RCL1: variants seen among roughly 807,000 people sequenced by gnomAD.
RCL1 encodes the protein RNA terminal phosphate cyclase like 1, also known as RNA 3'-terminal phosphate cyclase-like protein.
RCL1 carries 24 observed loss-of-function variants against 42.4 expected under a neutral mutation model. The observed-to-expected ratio is 0.57, with a 90% CI of 0.41 to 0.80. The LOEUF (loss-of-function observed/expected upper bound fraction) is 0.80. Among genes scored for constraint, RCL1 ranks in the 30% least tolerant of loss-of-function variants. The pLI, the probability that RCL1 is intolerant of heterozygous loss-of-function variation, is 0.00. For synonymous variants in RCL1, 228 were observed against 177.3 expected (o/e 1.29, Z -2.27); for missense variants, 578 against 467.9 (o/e 1.24, Z -2.17).
chr9:4,847,284 G>C (rs1382692373), intron 7 of RCL1, among the ~76,000 whole-genome samples: 1 of 152,016 alleles, frequency 6.6e-6, no homozygotes, highest in African/African-American at 2.4e-5. Context: ...TTATGTCTAT[G>C]ATCTTTAATT....
chr9:4,834,471 C>CTTTTTTTTTTTTTTTTTTTTTTTT, intron 5 of RCL1, among the ~76,000 whole-genome samples: 1 of 128,432 alleles, frequency 7.8e-6, no homozygotes, highest in Non-Finnish European at 1.6e-5. Context: ...TTGAGTCATT[C>CTTTTTTTTTTTTTTTTTTTTTTTT]TTTTTTTTTT....
At chr9:4,812,462 C>G (rs1021398420) in intron 1 of RCL1, among the ~76,000 whole-genome samples, 1 of 152,060 alleles carries the variant, frequency 6.6e-6, no homozygotes, top group Non-Finnish European at 1.5e-5. Context: ...CGAGGTTTCA[C>G]TATATTGTGC....
intron 3 of RCL1, among the ~76,000 whole-genome samples, chr9:4,832,405 T>C (rs1563845531): frequency 6.6e-6 from 1 of 152,202 alleles, no homozygotes; most frequent in Non-Finnish European, 1.5e-5. Flanking sequence ...ATAGTTAATT[T>C]GGTTTGCTTT....
In RCL1 at chr9:4,827,047, A is replaced by G. The variant is rs1470042172; in HGVS notation, c.384+14A>G. 2 of 1,614,180 alleles carry G rather than the reference A, an allele frequency of 1.2e-6. No individual in the cohort carries two copies. The highest frequency in any genetic ancestry group is 1.7e-6 in the Non-Finnish European group (2 of 1,180,014). ...GTTGACCCTTCAGTGAGTATTGAGA[A>G]CAAACCGTGGTGTGGTTTTTGTTTT... On this transcript the variant is annotated intron_variant, in intron 3 of 8. Transcript: ENST00000381750.
At chr9:4,810,896 TTTCA>T (rs1249993927) in intron 1 of RCL1, among the ~76,000 whole-genome samples, 1 of 152,192 alleles carries the variant, frequency 6.6e-6, no homozygotes, top group Non-Finnish European at 1.5e-5. Context: ...TTTCTTTTGC[TTTCA>T]TTGTTTTTAA....
chr9:4,820,845 A>G (rs563965411), intron 1 of RCL1, among the ~76,000 whole-genome samples: 48 of 152,320 alleles, frequency 3.2e-4, no homozygotes, highest in African/African-American at 1.1e-3. Flanking sequence ...GATACTTTCA[A>G]ACTCCTGTGA....
chr9:4,815,519 G>A (rs1372786581), intron 1 of RCL1, among the ~76,000 whole-genome samples: 1 of 151,876 alleles, frequency 6.6e-6, no homozygotes. Context: ...GCCCAGTGGG[G>A]TGGGGTAGGG....
At chr9:4,799,022 C>T (rs1389141384) in intron 1 of RCL1, among the ~76,000 whole-genome samples, 1 of 138,246 alleles carries the variant, frequency 7.2e-6, no homozygotes, top group East Asian at 2.1e-4. Flanking sequence ...CCCTCCCTCC[C>T]TGTCTTCTTT....
chr9:4,812,344 ATT>A (rs34826877), intron 1 of RCL1, among the ~76,000 whole-genome samples: 31,736 of 148,654 alleles, frequency 0.21, 3,786 homozygotes, highest in South Asian at 0.36. Flanking sequence ...CTTTAAGTTC[ATT>A]TTTTTTTTTA....
intron 8 of RCL1, among the ~76,000 whole-genome samples, chr9:4,858,068 G>A (rs149823239): frequency 2.0e-5 from 3 of 151,836 alleles, no homozygotes; most frequent in Non-Finnish European, 4.4e-5. Context: ...TTTTTTTGTA[G>A]AGATGGGGGT....
At chr9:4,827,158 C>T (rs1563842511) in intron 3 of RCL1, 125 bp downstream of exon 3, 1 of 1,553,408 alleles carries the variant, frequency 6.4e-7, no homozygotes, top group East Asian at 2.4e-5. Flanking sequence ...TTGTTATTTA[C>T]TTTGAGATTT....
chr9:4,853,181 A>G (rs1189570842), intron 8 of RCL1, among the ~76,000 whole-genome samples: 1 of 152,106 alleles, frequency 6.6e-6, no homozygotes, highest in Non-Finnish European at 1.5e-5. Flanking sequence ...AAAAAAGGCA[A>G]GTACTATCAT....
At chr9:4,840,256 A>G (rs1364563784) in intron 5 of RCL1, among the ~76,000 whole-genome samples, 1 of 152,222 alleles carries the variant, frequency 6.6e-6, no homozygotes, top group Non-Finnish European at 1.5e-5. Flanking sequence ...TGGATTGGGC[A>G]GATTATATAC....
chr9:4,814,864 A>G (rs868842167), intron 1 of RCL1, among the ~76,000 whole-genome samples: 89 of 151,970 alleles, frequency 5.9e-4, no homozygotes, highest in African/African-American at 2.1e-3. Context: ...TCATTTCTGA[A>G]GGATAGCTTT....
intron 7 of RCL1, among the ~76,000 whole-genome samples, chr9:4,847,279 TC>T (rs1416595089): frequency 3.9e-5 from 6 of 152,206 alleles, no homozygotes; most frequent in Non-Finnish European, 1.5e-5. Context: ...CCTTTTTATG[TC>T]TATGATCTTT....
rs139598408 is a variant in RCL1, at chr9:4,794,991, C to A, written c.136+1764C>A. Among the ~76,000 whole-genome samples the A allele has an allele frequency of 4.0e-4, 61 of 152,266 alleles. No homozygotes were observed. The East Asian group carries it at 7.7e-3, about 19-fold the overall frequency. On this transcript the variant is annotated intron_variant, in intron 1 of 8. Coordinates refer to ENST00000381750, the MANE Select transcript of RCL1 (RefSeq NM_005772.5). ...TTATTTGCCTTACCCCGTTCATATACCAGGGGAAGAAAGAGACTCCTAGTT... is the reference window on the plus strand; with the variant it reads ...TTATTTGCCTTACCCCGTTCATATAACAGGGGAAGAAAGAGACTCCTAGTT...
chr9:4,806,432 A>G (rs1243840790), intron 1 of RCL1, among the ~76,000 whole-genome samples: 1 of 152,144 alleles, frequency 6.6e-6, no homozygotes, highest in Non-Finnish European at 1.5e-5. Context: ...TTTTTAAACA[A>G]TGAATGAGTG....
At chr9:4,827,760 G>A (rs1345960829) in intron 3 of RCL1, among the ~76,000 whole-genome samples, 4 of 88,348 alleles carry the variant, frequency 4.5e-5, no homozygotes, top group African/African-American at 1.4e-4. Context: ...GTGTGTGCAC[G>A]CGTGTGTGTG....
At chr9:4,802,860 G>A (rs796655912) in intron 1 of RCL1, among the ~76,000 whole-genome samples, 8 of 152,026 alleles carry the variant, frequency 5.3e-5, no homozygotes, top group East Asian at 3.8e-4. Flanking sequence ...TTGCTCTGTC[G>A]CACAGGCTGG....
Sources: gnomAD v4.1 joint callset for allele counts (sites outside exome capture counted in the v4.1 genomes callset) on GRCh38, gnomAD v4.1.1 for gene constraint, MANE v1.5 for transcripts, NCBI Gene and HGNC (gene_info 2026-07-23, HGNC 2026-07-21) for gene names.